PLXDC1: variants seen among roughly 807,000 people sequenced by gnomAD.
PLXDC1 encodes plexin domain-containing protein 1.
In PLXDC1, 39 loss-of-function variants were observed where a neutral mutation model predicts 61.3. The ratio of observed to expected loss-of-function variants is 0.64; its 90% CI spans 0.49 to 0.83. The LOEUF is 0.83. Among genes scored for constraint, PLXDC1 ranks in the 40% least tolerant of loss-of-function variants. The pLI is 0.00. For missense variants in PLXDC1, 596 were observed against 666.5 expected, an observed-to-expected ratio of 0.89 and a Z score of 1.17; for synonymous variants, 212 against 254.5, an observed-to-expected ratio of 0.83 and a Z score of 1.59.
intron 2 of PLXDC1, among the ~76,000 whole-genome samples, chr17:39,127,833 C>CT (rs896267535): frequency 3.3e-5 from 5 of 149,750 alleles, no homozygotes; most frequent in Non-Finnish European, 4.4e-5. Flanking sequence ...TGGCGGGCGC[C>CT]TGTAGTCCCA....
At chr17:39,150,970 A>G (rs1199444361) in intron 1 of PLXDC1, among the ~76,000 whole-genome samples, 2 of 152,272 alleles carry the variant, frequency 1.3e-5, no homozygotes, top group Admixed American at 1.3e-4. Context: ...AGAGGAAAAG[A>G]AGGCATGGCT....
At chr17:39,109,897 C>T (rs1910738240) in intron 2 of PLXDC1, among the ~76,000 whole-genome samples, 1 of 152,120 alleles carries the variant, frequency 6.6e-6, no homozygotes, top group African/African-American at 2.4e-5. Flanking sequence ...AATCCCAGCA[C>T]TTTGGGAGGC....
At position 39,150,257 on chromosome 17, in the gene PLXDC1, A is replaced by C. The variant is rs73983247; in HGVS notation, c.76+1105T>G. 6.7e-3 allele frequency among the ~76,000 whole-genome samples: 1,012 copies of C among 151,590 alleles called. 13 individuals carry two copies. The highest frequency in any genetic ancestry group is 0.023 in the African/African-American group (949 of 41,286). On this transcript the variant is annotated intron_variant, in intron 1 of 13. Coordinates refer to ENST00000315392, the MANE Select transcript of PLXDC1 (RefSeq NM_020405.5). ...TCAGCCTCCTTCCCCTCCCACCCCC[A>C]ACATACTCTTCTTCTCAATAGGGAC...
intron 7 of PLXDC1, among the ~76,000 whole-genome samples, chr17:39,098,638 A>G (rs529532544): frequency 6.6e-6 from 1 of 152,336 alleles, no homozygotes; most frequent in Non-Finnish European, 1.5e-5. Flanking sequence ...AAAAAGTATC[A>G]GCGAAGTGCC....
intron 2 of PLXDC1, 97 bp downstream of exon 2, chr17:39,139,557 A>G: frequency 8.4e-7 from 1 of 1,184,960 alleles, no homozygotes; most frequent in South Asian, 1.5e-5. Context: ...ACCCCAAATG[A>G]TATGTGATTT....
Position 39,093,264 on chromosome 17 carries a change from G to T in PLXDC1, c.812-5562C>A, listed in dbSNP as rs193293626. Among the ~76,000 whole-genome samples the T allele has an allele frequency of 2.6e-3, 388 of 152,068 alleles. 1 individual carries two copies. Among genetic ancestry groups the T allele is most frequent in the African/African-American group, 8.8e-3 (365 of 41,482 alleles). ...TTTTTTATTCTTTGGTAGAGACAGG[G>T]TCTCCCTATGTTGCCCAGGCTGGTC... On this transcript the variant is annotated intron_variant, in intron 7 of 13. Coordinates refer to ENST00000315392, the MANE Select transcript of PLXDC1 (RefSeq NM_020405.5).
At chr17:39,131,322 C>G (rs72823325) in intron 2 of PLXDC1, among the ~76,000 whole-genome samples, 31,021 of 151,602 alleles carry the variant, frequency 0.2, 3,841 homozygotes, top group Non-Finnish European at 0.28. Flanking sequence ...CCTGGACATG[C>G]TTTCTTCTCA....
intron 7 of PLXDC1, chr17:39,097,017 T>C (rs543526866): frequency 6.4e-6 from 3 of 471,224 alleles, no homozygotes; most frequent in East Asian, 6.9e-5. Flanking sequence ...AGAACTCTTG[T>C]GGTTTTCAGC....
intron 7 of PLXDC1, among the ~76,000 whole-genome samples, chr17:39,102,691 C>G (rs117986429): frequency 6.9e-6 from 1 of 145,184 alleles, no homozygotes; most frequent in South Asian, 2.2e-4. Flanking sequence ...ACACTGACAT[C>G]GTATGCTATC....
chr17:39,118,511 A>C (rs984397410), intron 2 of PLXDC1, among the ~76,000 whole-genome samples: 21 of 152,154 alleles, frequency 1.4e-4, no homozygotes, highest in Admixed American at 1.2e-3. Flanking sequence ...CCTAGTCTAC[A>C]ATTTCTGATG....
chr17:39,098,633 G>T (rs1910309758), intron 7 of PLXDC1, among the ~76,000 whole-genome samples: 1 of 152,150 alleles, frequency 6.6e-6, no homozygotes, highest in African/African-American at 2.4e-5. Flanking sequence ...GAAGAAAAAA[G>T]TATCAGCGAA....
intron 2 of PLXDC1, among the ~76,000 whole-genome samples, chr17:39,127,402 C>T (rs12941440): frequency 0.017 from 2,640 of 152,206 alleles, 78 homozygotes; most frequent in African/African-American, 0.06. Flanking sequence ...TCCAAGTCAG[C>T]TTATGCTTCC....
intron 2 of PLXDC1, among the ~76,000 whole-genome samples, chr17:39,120,262 C>T (rs1911117474): frequency 6.6e-6 from 1 of 152,174 alleles, no homozygotes; most frequent in Non-Finnish European, 1.5e-5. Context: ...AGCGACTCTC[C>T]TGCCTCAGCC....
upstream of PLXDC1, chr17:39,152,883 A>G: frequency 2.5e-6 from 1 of 394,228 alleles, no homozygotes; most frequent in Non-Finnish European, 4.4e-6. Context: ...CCAGAGTCCC[A>G]GAGACTACCT....
intron 2 of PLXDC1, among the ~76,000 whole-genome samples, chr17:39,117,103 T>G (rs563192378): frequency 4.6e-5 from 7 of 152,334 alleles, no homozygotes; most frequent in African/African-American, 1.7e-4. Context: ...CAGTCTTTCT[T>G]CTCTGCCACT....
chr17:39,097,318 G>A (rs1910244830), intron 7 of PLXDC1, among the ~76,000 whole-genome samples: 2 of 152,192 alleles, frequency 1.3e-5, no homozygotes, highest in South Asian at 4.1e-4. Flanking sequence ...TGATCATAGG[G>A]TCTGCAGACC....
intron 2 of PLXDC1, among the ~76,000 whole-genome samples, chr17:39,113,856 A>AG (rs1257236350): frequency 1.3e-5 from 2 of 151,684 alleles, no homozygotes; most frequent in Non-Finnish European, 2.9e-5. Context: ...TCTCAAAAAA[A>AG]AAAAAAGATT....
At chr17:39,078,393 C>A (rs62076614) in intron 10 of PLXDC1, among the ~76,000 whole-genome samples, 42,463 of 151,980 alleles carry the variant, frequency 0.28, 6,423 homozygotes, top group Admixed American at 0.43. Flanking sequence ...CTTCTCTGAG[C>A]CCCAGTTTTC....
chr17:39,071,424 C>T (rs2143242615), intron 12 of PLXDC1, among the ~76,000 whole-genome samples: 1 of 152,296 alleles, frequency 6.6e-6, no homozygotes, highest in Admixed American at 6.5e-5. Context: ...ATGTTGCATG[C>T]ACTCAGAACC....
Sources: gnomAD v4.1 joint callset for allele counts (sites outside exome capture counted in the v4.1 genomes callset) on GRCh38, gnomAD v4.1.1 for gene constraint, MANE v1.5 for transcripts, NCBI Gene and HGNC (gene_info 2026-07-23, HGNC 2026-07-21) for gene names.